Variants in TRIM44 observed in about 807,000 individuals in gnomAD.
TRIM44 encodes tripartite motif containing 44, also known as tripartite motif-containing protein 44.
Under a neutral mutation model 37.4 loss-of-function variants are expected in TRIM44, and 13 were observed. The ratio of observed to expected loss-of-function variants is 0.35; its 90% CI spans 0.23 to 0.55. The LOEUF (loss-of-function observed/expected upper bound fraction) is 0.55. Among genes scored for constraint, TRIM44 ranks in the 20% least tolerant of loss-of-function variants. TRIM44 has a pLI of 0.89. For missense variants in TRIM44, 426 were observed against 437.2 expected (o/e 0.97, Z 0.23); for synonymous variants, 175 against 157.2 (o/e 1.11, Z -0.85).
At chr11:35,697,779 G>T (rs1276649193) in intron 2 of TRIM44, among the ~76,000 whole-genome samples, 9 of 151,246 alleles carry the variant, frequency 6.0e-5, no homozygotes, top group Non-Finnish European at 1.2e-4. Flanking sequence ...CAAAGGACAT[G>T]AACTCATCAT....
At chr11:35,666,965 T>C (rs35262210) in intron 1 of TRIM44, among the ~76,000 whole-genome samples, 31 of 152,198 alleles carry the variant, frequency 2.0e-4, no homozygotes, top group Admixed American at 2.0e-3. Context: ...CTTATATCTG[T>C]TATTTGTTTT....
At chr11:35,678,738 A>G (rs1004634450) in intron 1 of TRIM44, among the ~76,000 whole-genome samples, 1 of 151,996 alleles carries the variant, frequency 6.6e-6, no homozygotes, top group East Asian at 1.9e-4. Flanking sequence ...CTACCCAGGT[A>G]GCTGGGAATA....
rs955482016 is a variant in TRIM44, at chr11:35,663,059, G to A, written c.-53G>A. On this transcript the variant is annotated 5_prime_UTR_variant, in exon 1 of 5. Transcript: ENST00000299413. Reference sequence around the variant, plus strand: ...GAGGAGGAAGTGAGGCCGCGCGGAAGGAAGGCGGCGAGCCCCGGGGCCCCG... The same window carrying A: ...GAGGAGGAAGTGAGGCCGCGCGGAAAGAAGGCGGCGAGCCCCGGGGCCCCG... The A allele has an allele frequency of 1.2e-5, 18 of 1,468,582 alleles. No individual in the cohort carries two copies. Among genetic ancestry groups the A allele is most frequent in the Non-Finnish European group, 1.6e-5 (18 of 1,118,048 alleles). 91.0% of individuals were successfully genotyped at this position (1,468,582 alleles called of 1,614,324 possible).
chr11:35,783,333 G>A (rs1012538404), intron 4 of TRIM44, among the ~76,000 whole-genome samples: 4 of 152,086 alleles, frequency 2.6e-5, no homozygotes, highest in Non-Finnish European at 4.4e-5. Flanking sequence ...TAGATCCAGC[G>A]AATGTACCAC....
At chr11:35,751,399 T>C (rs1852557645) in intron 4 of TRIM44, among the ~76,000 whole-genome samples, 1 of 152,176 alleles carries the variant, frequency 6.6e-6, no homozygotes, top group South Asian at 2.1e-4. Context: ...GTGTGAGAAA[T>C]TTCTCTAATA....
chr11:35,773,534 C>A (rs1337180232), intron 4 of TRIM44, among the ~76,000 whole-genome samples: 1 of 152,050 alleles, frequency 6.6e-6, no homozygotes, highest in African/African-American at 2.4e-5. Flanking sequence ...AGGTTTGTTA[C>A]ATATATATAC....
At chr11:35,748,381 A>C (rs974818851) in intron 4 of TRIM44, among the ~76,000 whole-genome samples, 5 of 152,238 alleles carry the variant, frequency 3.3e-5, no homozygotes, top group Non-Finnish European at 5.9e-5. Context: ...TTAGTCCATC[A>C]ACCCTTCAGA....
intron 4 of TRIM44, among the ~76,000 whole-genome samples, chr11:35,787,130 G>A (rs138088742): frequency 1.3e-5 from 2 of 152,288 alleles, no homozygotes; most frequent in East Asian, 3.9e-4. Flanking sequence ...GTGTGGGCGG[G>A]CATGGGGACG....
intron 1 of TRIM44, among the ~76,000 whole-genome samples, chr11:35,669,895 C>T (rs1453005722): frequency 6.6e-6 from 1 of 152,158 alleles, no homozygotes; most frequent in Non-Finnish European, 1.5e-5. Context: ...TGATCTTGCT[C>T]ACTGCAACCT....
chr11:35,740,656 G>A (rs1852385848), intron 4 of TRIM44, among the ~76,000 whole-genome samples: 1 of 152,156 alleles, frequency 6.6e-6, no homozygotes, highest in South Asian at 2.1e-4. Flanking sequence ...AGCAGACCTA[G>A]CTTCTATTTT....
At chr11:35,802,645 G>T (rs946849202) in intron 4 of TRIM44, among the ~76,000 whole-genome samples, 1 of 152,144 alleles carries the variant, frequency 6.6e-6, no homozygotes, top group East Asian at 1.9e-4. Flanking sequence ...TTTAGATACA[G>T]CAGTACCCTC....
At chr11:35,738,622 G>A (rs1386966663) in intron 4 of TRIM44, among the ~76,000 whole-genome samples, 2 of 152,134 alleles carry the variant, frequency 1.3e-5, no homozygotes, top group Non-Finnish European at 2.9e-5. Context: ...AACCCTTCAA[G>A]GCAAATTGCC....
Position 35,708,932 on chromosome 11 carries a change from A to T in TRIM44, c.748-16992A>T, listed in dbSNP as rs1016401714. 7.9e-5 allele frequency among the ~76,000 whole-genome samples: 12 copies of T among 152,012 alleles called. No individual in the cohort carries two copies. In the Middle Eastern group the frequency reaches 0.017, roughly 215 times the overall value. On this transcript the variant is annotated intron_variant, in intron 2 of 4. Transcript: ENST00000299413. ...ATAATAATAATAAAAAATAAATAAA[A>T]AATGAAAACACATTAAAATAAATAA... is the stretch of plus-strand genomic sequence containing the variant.
chr11:35,758,738 T>C (rs1192182482), intron 4 of TRIM44, among the ~76,000 whole-genome samples: 3 of 152,200 alleles, frequency 2.0e-5, no homozygotes, highest in African/African-American at 7.2e-5. Flanking sequence ...GTAAAGTATT[T>C]TATTTCTCCT....
Position 35,808,525 on chromosome 11 carries a change from A to G in TRIM44, c.*2140A>G, listed in dbSNP as rs141792110. ...TCATTGGTTCTCCATATCTGATCAT[A>G]TGTTACTACTTTGAATCAGTATTTG... On this transcript the variant is annotated 3_prime_UTR_variant, in exon 5 of 5. Coordinates refer to ENST00000299413, the MANE Select transcript of TRIM44 (RefSeq NM_017583.6). 16 of 152,316 alleles carry G rather than the reference A, an allele frequency of 1.1e-4. No individual in the cohort carries two copies. The highest frequency in any genetic ancestry group is 3.6e-4 in the African/African-American group (15 of 41,578). 9.4% of individuals were successfully genotyped at this position (152,316 alleles called of 1,614,324 possible). A position where few individuals can be genotyped will look rare whatever the true frequency, so the allele number is the denominator to read the frequency against.
intron 4 of TRIM44, among the ~76,000 whole-genome samples, chr11:35,771,856 C>T (rs1159177242): frequency 6.6e-6 from 1 of 152,090 alleles, no homozygotes; most frequent in Non-Finnish European, 1.5e-5. Context: ...AAGCCGTCTG[C>T]ATAAATTTGC....
Position 35,685,303 on chromosome 11 carries a change from G to A in TRIM44, c.714G>A (p.Val238=). The A allele has an allele frequency of 1.9e-6, 3 of 1,614,210 alleles. No individual in the cohort carries two copies. Among genetic ancestry groups the A allele is most frequent in the East Asian group, 2.2e-5 (1 of 44,878 alleles). Residue 238 remains valine, a synonymous_variant, in exon 2 of 5, where the codon GTG becomes GTA. Transcript: ENST00000299413. The part of the protein sequence containing the change: ...GGLKAAMIEL[V]ERLKFKSSDP... The stretch of plus-strand genomic sequence containing the variant: ...TGAAGGCCGCTATGATCGAATTGGT[G>A]GAAAGGTTGAAGTTCAAGAGCTCAG...
At chr11:35,719,644 T>A (rs556727812) in intron 2 of TRIM44, among the ~76,000 whole-genome samples, 13 of 152,304 alleles carry the variant, frequency 8.5e-5, no homozygotes, top group East Asian at 3.9e-4. Context: ...CTAGCTTTTT[T>A]AAAATGTTAT....
chr11:35,751,424 T>C (rs1852558053), intron 4 of TRIM44, among the ~76,000 whole-genome samples: 1 of 152,240 alleles, frequency 6.6e-6, no homozygotes, highest in South Asian at 2.1e-4. Context: ...CAGGCCTTGA[T>C]GCCAGATGGA....
Sources: allele counts gnomAD v4.1 joint callset (sites outside exome capture counted in the v4.1 genomes callset), GRCh38; gene constraint gnomAD v4.1.1; transcripts MANE v1.5; gene names NCBI Gene and HGNC (gene_info 2026-07-23, HGNC 2026-07-21).